The following CDH13 variants were observed in gnomAD, a reference collection of about 807,000 sequenced individuals.
CDH13 encodes the protein cadherin 13, also known as cadherin-13.
In CDH13, 24 loss-of-function variants were observed where a neutral mutation model predicts 63.8. The ratio of observed to expected loss-of-function variants is 0.38; its 90% confidence interval spans 0.27 to 0.53. The LOEUF (loss-of-function observed/expected upper bound fraction) is 0.53, where lower values mean the gene tolerates loss of function less well. Among genes scored for constraint, CDH13 ranks in the 20% least tolerant of loss-of-function variants. The pLI is 0.85. For missense variants in CDH13, 1,049 were observed against 903.1 expected, an observed-to-expected ratio of 1.16 and a Z score of -2.07; for synonymous variants, 503 against 355.3, an observed-to-expected ratio of 1.42 and a Z score of -4.67.
chr16:83,397,174 C>G (rs886341333), intron 6 of CDH13, among the ~76,000 whole-genome samples: 1 of 152,172 alleles, frequency 6.6e-6, no homozygotes, highest in Non-Finnish European at 1.5e-5. Flanking sequence ...ACCTCTCTCA[C>G]CAAGTTGTGT....
intron 1 of CDH13, among the ~76,000 whole-genome samples, chr16:82,800,302 T>C (rs543086450): frequency 3.7e-4 from 57 of 152,314 alleles, no homozygotes; most frequent in African/African-American, 1.2e-3. Context: ...TTTAAAATTG[T>C]ATTTTTCTCG....
At chr16:83,022,501 G>A (rs1255845354) in intron 2 of CDH13, among the ~76,000 whole-genome samples, 2 of 152,180 alleles carry the variant, frequency 1.3e-5, no homozygotes, top group African/African-American at 2.4e-5. Context: ...AATAAACAAC[G>A]TGTAGAGCAT....
chr16:83,397,077 T>C (rs1567643737), intron 6 of CDH13, among the ~76,000 whole-genome samples: 1 of 152,072 alleles, frequency 6.6e-6, no homozygotes, highest in Admixed American at 6.6e-5. Flanking sequence ...TTCTCCTGGC[T>C]TTCCTGATCT....
At chr16:83,180,766 GACAA>G (rs1038424386) in intron 4 of CDH13, 19 of 793,430 alleles carry the variant, frequency 2.4e-5, no homozygotes, top group Non-Finnish European at 3.7e-5. Flanking sequence ...TGTTCTTTAA[GACAA>G]ACAAACAAAG....
intron 1 of CDH13, among the ~76,000 whole-genome samples, chr16:82,806,236 C>T (rs934017577): frequency 6.6e-6 from 1 of 152,172 alleles, no homozygotes; most frequent in Non-Finnish European, 1.5e-5. Context: ...CTTGTCCCTT[C>T]ATAATAAACC....
intron 8 of CDH13, among the ~76,000 whole-genome samples, chr16:83,629,936 TA>T (rs1910632629): frequency 6.6e-6 from 1 of 152,216 alleles, no homozygotes; most frequent in East Asian, 1.9e-4. Context: ...CCATCACACT[TA>T]AAAGTCAACG....
chr16:82,721,174 A>G (rs1294902522), intron 1 of CDH13, among the ~76,000 whole-genome samples: 1 of 152,214 alleles, frequency 6.6e-6, no homozygotes, highest in Non-Finnish European at 1.5e-5. Context: ...TGCTGATGAT[A>G]TTAAAACCTC....
intron 10 of CDH13, among the ~76,000 whole-genome samples, chr16:83,734,203 G>GA (rs1312982552): frequency 6.6e-6 from 1 of 152,098 alleles, no homozygotes; most frequent in Non-Finnish European, 1.5e-5. Flanking sequence ...ACTCAAAACT[G>GA]AAAAAATATA....
At chr16:83,417,532 C>T (rs917386146) in intron 6 of CDH13, among the ~76,000 whole-genome samples, 2 of 152,166 alleles carry the variant, frequency 1.3e-5, no homozygotes, top group African/African-American at 4.8e-5. Flanking sequence ...CTCACTGACA[C>T]CTCAGTTGCC....
intron 5 of CDH13, among the ~76,000 whole-genome samples, chr16:83,271,643 A>C (rs1403527409): frequency 6.6e-6 from 1 of 152,002 alleles, no homozygotes; most frequent in East Asian, 1.9e-4. Context: ...TACAGTAAGA[A>C]AATAATTCAC....
At chr16:82,881,522 C>T (rs2040701381) in intron 2 of CDH13, among the ~76,000 whole-genome samples, 1 of 152,118 alleles carries the variant, frequency 6.6e-6, no homozygotes. Flanking sequence ...GGGAAGGAGC[C>T]ATGACCTTAG....
At chr16:83,181,225 T>G in intron 4 of CDH13, 3 of 389,876 alleles carry the variant, frequency 7.7e-6, no homozygotes, top group Non-Finnish European at 1.4e-5. Context: ...GGGGACTTAA[T>G]TTCTTCTCAG....
intron 6 of CDH13, among the ~76,000 whole-genome samples, chr16:83,395,298 A>G (rs1265092665): frequency 1.9e-4 from 28 of 151,192 alleles, no homozygotes; most frequent in Admixed American, 2.6e-4. Flanking sequence ...TGGGAGACAG[A>G]GTGAGACTCT....
intron 5 of CDH13, among the ~76,000 whole-genome samples, chr16:83,227,421 T>A (rs1173307727): frequency 6.6e-6 from 1 of 152,014 alleles, no homozygotes; most frequent in Non-Finnish European, 1.5e-5. Context: ...AGGAAATACC[T>A]GGGGAATAAT....
At chr16:83,664,533 T>G (rs1322849923) in intron 8 of CDH13, among the ~76,000 whole-genome samples, 1 of 146,796 alleles carries the variant, frequency 6.8e-6, no homozygotes, top group Non-Finnish European at 1.5e-5. Context: ...TTTTATATTA[T>G]ATTTCATATT....
chr16:82,718,073 G>A (rs1053135922), intron 1 of CDH13, among the ~76,000 whole-genome samples: 3 of 152,244 alleles, frequency 2.0e-5, no homozygotes, highest in African/African-American at 7.2e-5. Flanking sequence ...TTTGAGAGGT[G>A]ATCTCAGGAA....
In CDH13 at chr16:83,798,945, A is replaced by T. The variant is rs1904298201; in HGVS notation, c.*3915A>T. The T allele has an allele frequency of 6.6e-6, 1 of 152,070 alleles. No individual in the cohort carries two copies. Among genetic ancestry groups the T allele is most frequent in the South Asian group, 2.1e-4 (1 of 4,824 alleles). The allele number at this position is 152,070 out of a possible 1,614,324, so 9.4% of individuals were successfully genotyped here. Reference sequence around the variant, plus strand: ...TTTTCCTGTGCAAGATAACGTAATTATTTGCCCCTTCCCTTCCATGGCTTG... The same window carrying T: ...TTTTCCTGTGCAAGATAACGTAATTTTTTGCCCCTTCCCTTCCATGGCTTG... On this transcript the variant is annotated 3_prime_UTR_variant, in exon 14 of 14. Coordinates refer to ENST00000567109, the MANE Select transcript of CDH13 (RefSeq NM_001257.5).
intron 1 of CDH13, among the ~76,000 whole-genome samples, chr16:82,802,432 C>G (rs1251634732): frequency 6.6e-6 from 1 of 152,056 alleles, no homozygotes; most frequent in Non-Finnish European, 1.5e-5. Flanking sequence ...TCAAAGTTTT[C>G]AAAGAAAGGA....
At chr16:82,929,359 C>G (rs963594126) in intron 2 of CDH13, among the ~76,000 whole-genome samples, 1 of 151,802 alleles carries the variant, frequency 6.6e-6, no homozygotes, top group Non-Finnish European at 1.5e-5. Context: ...TACATGAGGA[C>G]ACAATGAAAA....
Sources: gnomAD v4.1 joint callset for allele counts (sites outside exome capture counted in the v4.1 genomes callset) on GRCh38, gnomAD v4.1.1 for gene constraint, MANE v1.5 for transcripts, NCBI Gene and HGNC (gene_info 2026-07-23, HGNC 2026-07-21) for gene names.